Variants in USP25 observed in about 807,000 individuals in gnomAD.
USP25 encodes ubiquitin specific peptidase 25.
In USP25, 85 loss-of-function variants were observed where a neutral mutation model predicts 158.5. The observed-to-expected ratio is 0.54, with a 90% confidence interval of 0.45 to 0.64. The LOEUF (loss-of-function observed/expected upper bound fraction) is 0.64, where lower values mean the gene tolerates loss of function less well. USP25 is among the 30% of genes least tolerant of loss of function. USP25 has a pLI of 0.00. For synonymous variants in USP25, 464 were observed against 460.4 expected (o/e 1.01, Z -0.10); for missense variants, 1,242 against 1,327.3 (o/e 0.94, Z 1.00).
At chr21:15,736,543 A>G (rs1290822497) in intron 1 of USP25, among the ~76,000 whole-genome samples, 1 of 151,924 alleles carries the variant, frequency 6.6e-6, no homozygotes, top group Non-Finnish European at 1.5e-5. Context: ...CCAAATTTTC[A>G]TTGTATCACC....
At chr21:15,776,104 T>G (rs772138721) in intron 3 of USP25, among the ~76,000 whole-genome samples, 4 of 152,184 alleles carry the variant, frequency 2.6e-5, no homozygotes, top group Non-Finnish European at 5.9e-5. Flanking sequence ...TCCTCACTGC[T>G]TCATCAGTGT....
intron 2 of USP25, among the ~76,000 whole-genome samples, chr21:15,763,669 G>A (rs1157496712): frequency 6.6e-6 from 1 of 152,086 alleles, no homozygotes; most frequent in African/African-American, 2.4e-5. Flanking sequence ...TTTTGCCACT[G>A]CAGTCATATA....
intron 4 of USP25, among the ~76,000 whole-genome samples, chr21:15,787,895 C>A (rs181925111): frequency 0.025 from 2,946 of 118,700 alleles, 120 homozygotes; most frequent in African/African-American, 0.1. Context: ...AATAATAACA[C>A]CCCCTCACCC....
At chr21:15,853,611 A>G (rs1644908047) in intron 20 of USP25, among the ~76,000 whole-genome samples, 1 of 152,200 alleles carries the variant, frequency 6.6e-6, no homozygotes, top group African/African-American at 2.4e-5. Context: ...TACTTAAAAT[A>G]CTTTTCTTAG....
intron 1 of USP25, among the ~76,000 whole-genome samples, chr21:15,747,040 CTATT>C (rs1167580083): frequency 6.6e-6 from 1 of 152,212 alleles, no homozygotes; most frequent in East Asian, 1.9e-4. Flanking sequence ...TACAGTTAAA[CTATT>C]TGTTTATATA....
chr21:15,847,168 T>TC, intron 18 of USP25, among the ~76,000 whole-genome samples: 1 of 152,100 alleles, frequency 6.6e-6, no homozygotes, highest in Non-Finnish European at 1.5e-5. Flanking sequence ...CCCTACAAAT[T>TC]CTGATGAGTT....
At chr21:15,792,350 C>T (rs775043973) in intron 5 of USP25, among the ~76,000 whole-genome samples, 2 of 151,480 alleles carry the variant, frequency 1.3e-5, no homozygotes, top group Non-Finnish European at 3.0e-5. Flanking sequence ...TCTCGGTTGA[C>T]ATTGATAATG....
chr21:15,848,641 C>G (rs1373298367), intron 19 of USP25, among the ~76,000 whole-genome samples: 2 of 151,768 alleles, frequency 1.3e-5, no homozygotes, highest in African/African-American at 4.8e-5. Context: ...TTTCACGTAA[C>G]TTTTTTTCTG....
At position 15,876,176 on chromosome 21, in the gene USP25, A is replaced by T. The variant is rs548660914; in HGVS notation, c.3010-1620A>T. 2.6e-5 allele frequency: 4 copies of T among 152,338 alleles called. No homozygotes were observed. In the South Asian group the frequency reaches 8.3e-4, roughly 32 times the overall value. The allele number at this position is 152,338 out of a possible 1,614,324, so 9.4% of individuals were successfully genotyped here. A position where few individuals can be genotyped will look rare whatever the true frequency, so the allele number is the denominator to read the frequency against. On this transcript the variant is annotated intron_variant, in intron 24 of 25. Transcript: ENST00000400183. Reference sequence around the variant, plus strand: ...ATGTTTTATTTAAGAGATTTCCAGGACATTCTTTGATTCAGTGAACTTAAC... The same window carrying T: ...ATGTTTTATTTAAGAGATTTCCAGGTCATTCTTTGATTCAGTGAACTTAAC...
intron 1 of USP25, among the ~76,000 whole-genome samples, chr21:15,733,597 T>TTG (rs919526824): frequency 5.3e-5 from 8 of 151,768 alleles, no homozygotes; most frequent in African/African-American, 1.9e-4. Context: ...TCCCAGTACT[T>TTG]TGGGAAGGTG....
chr21:15,772,254 T>C (rs529575413), intron 3 of USP25, among the ~76,000 whole-genome samples: 1 of 152,354 alleles, frequency 6.6e-6, no homozygotes, highest in South Asian at 2.1e-4. Context: ...GTTTTACTCA[T>C]GGTATTCCTT....
At chr21:15,867,067 T>C (rs535091606) in intron 22 of USP25, among the ~76,000 whole-genome samples, 1 of 152,300 alleles carries the variant, frequency 6.6e-6, no homozygotes, top group South Asian at 2.1e-4. Flanking sequence ...AGAGAGCACT[T>C]ACATAGGTAC....
chr21:15,806,416 TTTTTTCTGGTTTC>T (rs2036393146), intron 7 of USP25, among the ~76,000 whole-genome samples: 1 of 109,874 alleles, frequency 9.1e-6, no homozygotes, highest in African/African-American at 3.7e-5. Flanking sequence ...TTTCCTTGTC[TTTTTTCTGGTTTC>T]TTTTTTTTTT....
intron 16 of USP25, among the ~76,000 whole-genome samples, chr21:15,832,033 A>G (rs1321588524): frequency 6.6e-6 from 1 of 152,184 alleles, no homozygotes; most frequent in Non-Finnish European, 1.5e-5. Context: ...ATCTGCTCAT[A>G]TCAAACCATT....
chr21:15,849,709 A>T, intron 19 of USP25, 68 bp from the exon 20 acceptor site: 2 of 1,200,088 alleles, frequency 1.7e-6, no homozygotes, highest in Non-Finnish European at 2.3e-6. Flanking sequence ...AAAGAGTTTC[A>T]GCTTGCATGT....
rs756730603 is a variant in USP25, at chr21:15,831,513, T to C, written c.1877T>C (p.Ile626Thr). ...AGCAGATGGATGAAGTACAATGATATTGCTGTGACAAAATCATCATGGGAA... is the reference window on the plus strand; with the variant it reads ...AGCAGATGGATGAAGTACAATGATACTGCTGTGACAAAATCATCATGGGAA... The part of the protein sequence containing the change: ...RESRWMKYND[I>T]AVTKSSWEEL... Residue 626 changes from isoleucine (I) to threonine (T), a missense_variant, in exon 16 of 26, where the codon ATT becomes ACT. Transcript: ENST00000400183. 15 of 1,614,144 alleles carry C rather than the reference T, an allele frequency of 9.3e-6. No individual in the cohort carries two copies. Among genetic ancestry groups the C allele is most frequent in the Non-Finnish European group, 1.2e-5 (14 of 1,179,974 alleles).
intron 1 of USP25, among the ~76,000 whole-genome samples, chr21:15,758,531 C>T (rs560672484): frequency 4.6e-5 from 7 of 152,144 alleles, no homozygotes; most frequent in African/African-American, 9.7e-5. Context: ...CACCTTCAGC[C>T]GTGATTGTGA....
At chr21:15,798,828 A>G (rs930097076) in intron 5 of USP25, among the ~76,000 whole-genome samples, 4 of 151,160 alleles carry the variant, frequency 2.6e-5, no homozygotes, top group African/African-American at 7.3e-5. Context: ...TCAATACCCA[A>G]CTGTTGATCA....
Position 15,816,364 on chromosome 21 carries a change from G to A in USP25, c.932-2334G>A, listed in dbSNP as rs755539871. Reference sequence around the variant, plus strand: ...TTTGGGATGTGTCTTTATCAGCAGCGTGATAATGGACTAATACACTTTCCA... The same window carrying A: ...TTTGGGATGTGTCTTTATCAGCAGCATGATAATGGACTAATACACTTTCCA... On this transcript the variant is annotated intron_variant, in intron 9 of 25. Transcript: ENST00000400183. This position sits in a 1 kb window ranked among gnomAD's most constrained non-coding sequence, Gnocchi z 4.0. 1.3e-5 allele frequency among the ~76,000 whole-genome samples: 2 copies of A among 152,114 alleles called. No individual in the cohort carries two copies. Among genetic ancestry groups the A allele is most frequent in the Admixed American group, 6.5e-5 (1 of 15,276 alleles).
Sources: allele counts gnomAD v4.1 joint callset (sites outside exome capture counted in the v4.1 genomes callset), GRCh38; gene constraint gnomAD v4.1.1; non-coding constraint Gnocchi (gnomAD v3.1); transcripts MANE v1.5; gene names NCBI Gene and HGNC (gene_info 2026-07-23, HGNC 2026-07-21).